Variants in SMG1 observed in about 807,000 individuals in gnomAD.
SMG1 encodes serine/threonine-protein kinase SMG1.
In SMG1, 22 loss-of-function variants were observed where a neutral mutation model predicts 419.9. The ratio of observed to expected loss-of-function variants is 0.05; its 90% confidence interval spans 0.04 to 0.07. SMG1 has a LOEUF of 0.07. Among genes scored for constraint, SMG1 ranks in the 10% least tolerant of loss-of-function variants. SMG1 has a pLI of 1.00. For missense variants in SMG1, 3,185 were observed against 4,342.0 expected, an observed-to-expected ratio of 0.73 and a Z score of 7.49; for synonymous variants, 1,538 against 1,553.5, an observed-to-expected ratio of 0.99 and a Z score of 0.23.
At chr16:18,888,608 C>T (rs1192826747) in intron 6 of SMG1, among the ~76,000 whole-genome samples, 1 of 151,496 alleles carries the variant, frequency 6.6e-6, no homozygotes, top group African/African-American at 2.4e-5. Context: ...GCTGGGACTA[C>T]AGGCGCGTGC....
intron 13 of SMG1, among the ~76,000 whole-genome samples, chr16:18,874,683 T>C (rs1238123303): frequency 1.4e-5 from 2 of 148,022 alleles, no homozygotes; most frequent in African/African-American, 2.5e-5. Context: ...CTGGCCAACA[T>C]GGTGAAACCA....
At chr16:18,827,530 A>T (rs1192870661) in intron 55 of SMG1, among the ~76,000 whole-genome samples, 1 of 145,858 alleles carries the variant, frequency 6.9e-6, no homozygotes, top group Non-Finnish European at 1.5e-5. Flanking sequence ...TTTGGTATAA[A>T]TATACCAAAA....
chr16:18,842,391 T>C lies in SMG1; in HGVS notation c.6283A>G (p.Ile2095Val). ...GTCATGGCAGCCAACCATGGACTGA[T>C]TTCTTCAAGACGCAAGATGTAACTT... Reference protein sequence around the residue: ...RASYILRLEEISPWLAAMTNT... With the variant: ...RASYILRLEEVSPWLAAMTNT... Residue 2095 changes from isoleucine (I) to valine (V), a missense_variant, in exon 40 of 63, where the codon ATC becomes GTC. Coordinates refer to ENST00000446231, the MANE Select transcript of SMG1 (RefSeq NM_015092.5). 6.2e-7 allele frequency: 1 copy of C among 1,614,022 alleles called. No individual in the cohort carries two copies. The highest frequency in any genetic ancestry group is 1.3e-5 in the African/African-American group (1 of 75,042).
intron 42 of SMG1, among the ~76,000 whole-genome samples, chr16:18,839,059 T>C (rs914911561): frequency 1.3e-5 from 2 of 152,190 alleles, no homozygotes; most frequent in Non-Finnish European, 2.9e-5. Context: ...TTGGGCAGGC[T>C]GGTCTCAAAC....
chr16:18,836,893 T>G (rs1026496293), intron 46 of SMG1, among the ~76,000 whole-genome samples: 7 of 152,348 alleles, frequency 4.6e-5, no homozygotes, highest in Admixed American at 2.0e-4. Context: ...TTAATCATCT[T>G]ATTTAATACT....
At chr16:18,810,688 A>G (rs1334020799) in intron 62 of SMG1, among the ~76,000 whole-genome samples, 1 of 152,148 alleles carries the variant, frequency 6.6e-6, no homozygotes, top group Non-Finnish European at 1.5e-5. Context: ...GCAATAAAGG[A>G]TATTTTGAGA....
intron 56 of SMG1, among the ~76,000 whole-genome samples, chr16:18,818,369 G>C (rs895819388): frequency 6.6e-6 from 1 of 151,790 alleles, no homozygotes; most frequent in Non-Finnish European, 1.5e-5. Flanking sequence ...TGGGCAACAA[G>C]AGCAAAACTC....
In SMG1 at chr16:18,847,903, T is replaced by A. The variant is rs2034359723; in HGVS notation, c.5754A>T (p.Gly1918=). ...GCATCATGGCTTGGTCTTCATTTAA[T>A]CCACTTTTAGGTTCATCCTTATTGC... ...QDSNKDEPKS[G]LNEDQAMMQD... is the part of the protein sequence containing the mutation. Residue 1918 remains glycine (G), a synonymous_variant, in exon 37 of 63, where the codon GGA becomes GGT. Transcript: ENST00000446231. The A allele has an allele frequency of 6.2e-7, 1 of 1,614,068 alleles. No individual in the cohort carries two copies. The highest frequency in any genetic ancestry group is 1.1e-5 in the South Asian group (1 of 91,090).
At chr16:18,907,866 A>G (rs868461847) in intron 1 of SMG1, among the ~76,000 whole-genome samples, 22 of 150,602 alleles carry the variant, frequency 1.5e-4, no homozygotes, top group African/African-American at 5.4e-4. Context: ...AAAAAAAAAA[A>G]AAAGAGACCC....
chr16:18,864,720 G>C (rs561102068), intron 23 of SMG1, among the ~76,000 whole-genome samples: 4 of 151,922 alleles, frequency 2.6e-5, no homozygotes, highest in African/African-American at 9.7e-5. Context: ...CAAGCAATCC[G>C]CTCACCTCAG....
intron 29 of SMG1, chr16:18,857,679 G>T (rs2034988963): frequency 1.3e-5 from 2 of 152,166 alleles, no homozygotes; most frequent in Admixed American, 1.3e-4. Flanking sequence ...GCACATGAAT[G>T]TTGAGAGCAG....
chr16:18,869,909 G>C lies in SMG1; in HGVS notation c.2578C>G (p.Gln860Glu), dbSNP rs759501548. ...SKAPSNTFHP[Q>E]DFSDVISFIL... ...AAACTAATAACATCAGAGAAATCTT[G>C]GGGGTGGAATGTATTACTTGGTGCT... is the stretch of plus-strand genomic sequence containing the variant. The change falls in exon 19 of 63, where the codon CAA (glutamine) becomes GAA (glutamate). Residue 860 changes from glutamine (Q) to glutamate (E), a missense_variant. Coordinates refer to ENST00000446231, the MANE Select transcript of SMG1 (RefSeq NM_015092.5). 2 of 1,550,814 alleles carry C rather than the reference G, an allele frequency of 1.3e-6. No homozygotes were observed. Among genetic ancestry groups the C allele is most frequent in the African/African-American group, 2.7e-5 (2 of 73,838 alleles).
intron 57 of SMG1, 125 bp downstream of exon 57, chr16:18,817,165 GC>G (rs1261525221): frequency 9.0e-5 from 35 of 389,464 alleles, no homozygotes; most frequent in Non-Finnish European, 1.2e-4. Flanking sequence ...CTGTCCCCCC[GC>G]CCCCCTAACA....
chr16:18,873,549 G>C (rs560655407), intron 13 of SMG1, among the ~76,000 whole-genome samples: 1 of 152,312 alleles, frequency 6.6e-6, no homozygotes, highest in South Asian at 2.1e-4. Flanking sequence ...ACAGGCGCTA[G>C]TGTTGTGATG....
intron 1 of SMG1, among the ~76,000 whole-genome samples, chr16:18,910,232 A>ATTTTT (rs34246490): frequency 7.3e-6 from 1 of 136,516 alleles, no homozygotes; most frequent in Non-Finnish European, 1.6e-5. Flanking sequence ...ATGCCCAGCT[A>ATTTTT]TTTTTTTTTT....
rs375390244 is a variant in SMG1 at position 18,835,194 on chromosome 16, A to G, written c.8058-30T>C. 197 of 1,585,840 alleles carry G rather than the reference A, an allele frequency of 1.2e-4. No individual in the cohort carries two copies. In the African/African-American group the frequency reaches 2.5e-3, roughly 20 times the overall value. Reference sequence around the variant, plus strand: ...AAAAATAAGGAAGAGGTGCTTGTTTATAACACAACCACCCCCAACATACAA... The same window carrying G: ...AAAAATAAGGAAGAGGTGCTTGTTTGTAACACAACCACCCCCAACATACAA... On this transcript the variant is annotated intron_variant, in intron 48 of 62. Coordinates refer to ENST00000446231, the MANE Select transcript of SMG1 (RefSeq NM_015092.5).
intron 60 of SMG1, 151 bp from the exon 61 acceptor site, chr16:18,812,278 T>TA: frequency 1.4e-6 from 1 of 705,944 alleles, no homozygotes; most frequent in Non-Finnish European, 2.2e-6. Context: ...ATTGTCTTCC[T>TA]AAAAATGTAG....
At chr16:18,915,869 G>A (rs1210861889) in intron 1 of SMG1, among the ~76,000 whole-genome samples, 1 of 151,514 alleles carries the variant, frequency 6.6e-6, no homozygotes, top group Admixed American at 6.6e-5. Flanking sequence ...AGGAGTTCAA[G>A]ACCAGCCTGG....
chr16:18,842,490 A>G, intron 39 of SMG1, 36 bp from the exon 40 acceptor site: 1 of 1,585,286 alleles, frequency 6.3e-7, no homozygotes, highest in Non-Finnish European at 8.6e-7. Context: ...AATTTACATT[A>G]CATTAGAACA....
Sources: gnomAD v4.1 joint callset for allele counts (sites outside exome capture counted in the v4.1 genomes callset) on GRCh38, gnomAD v4.1.1 for gene constraint, MANE v1.5 for transcripts, NCBI Gene and HGNC (gene_info 2026-07-23, HGNC 2026-07-21) for gene names.